The following HNF4G variants were observed in gnomAD, a reference collection of about 807,000 sequenced individuals.
HNF4G encodes the protein hepatocyte nuclear factor 4 gamma, also known as hepatocyte nuclear factor 4-gamma.
HNF4G carries 21 observed loss-of-function variants against 50.9 expected under a neutral mutation model. The ratio of observed to expected loss-of-function variants is 0.41; its 90% CI spans 0.29 to 0.59. HNF4G has a LOEUF of 0.59. Among genes scored for constraint, HNF4G ranks in the 20% least tolerant of loss-of-function variants. HNF4G has a pLI of 0.26. For synonymous variants in HNF4G, 198 were observed against 185.6 expected (o/e 1.07, Z -0.54); for missense variants, 527 against 559.4 (o/e 0.94, Z 0.58).
At chr8:75,452,100 G>A (rs1425397768) in intron 1 of HNF4G, among the ~76,000 whole-genome samples, 1 of 152,178 alleles carries the variant, frequency 6.6e-6, no homozygotes, top group East Asian at 1.9e-4. Context: ...ATCTTTTGCT[G>A]TGGAAGGAGG....
At chr8:75,459,496 G>T (rs1336316741) in intron 1 of HNF4G, among the ~76,000 whole-genome samples, 1 of 152,114 alleles carries the variant, frequency 6.6e-6, no homozygotes, top group African/African-American at 2.4e-5. Context: ...TGAGTGATAG[G>T]ATTCTGGATC....
chr8:75,439,108 A>G (rs1211050721), intron 1 of HNF4G, among the ~76,000 whole-genome samples: 2 of 152,108 alleles, frequency 1.3e-5, no homozygotes, highest in African/African-American at 4.8e-5. Context: ...AAAATAAATA[A>G]CATTGTGCAT....
chr8:75,442,228 C>G (rs1585846301), intron 1 of HNF4G, among the ~76,000 whole-genome samples: 1 of 151,958 alleles, frequency 6.6e-6, no homozygotes, highest in Non-Finnish European at 1.5e-5. Context: ...GTTAAGGTAC[C>G]CAGGGCACAT....
intron 1 of HNF4G, among the ~76,000 whole-genome samples, chr8:75,470,681 G>A (rs908963443): frequency 5.3e-5 from 8 of 152,178 alleles, no homozygotes. Flanking sequence ...TTTTACTAAA[G>A]TCTGGATATC....
chr8:75,468,873 C>A lies in HNF4G; in HGVS notation c.-143-21216C>A, dbSNP rs1415627351. ...AAGTAGATTATGATTTTATGGGAAA[C>A]CAAAGTCTTGAGAAACAAAACAAAA... On this transcript the variant is annotated intron_variant, in intron 1 of 10. Transcript: ENST00000354370. 2.0e-5 allele frequency among the ~76,000 whole-genome samples: 3 copies of A among 151,712 alleles called. No individual in the cohort carries two copies. The South Asian group carries it at 6.2e-4, about 32-fold the overall frequency.
At chr8:75,519,448 A>G (rs1359989143) in intron 2 of HNF4G, among the ~76,000 whole-genome samples, 2 of 152,218 alleles carry the variant, frequency 1.3e-5, no homozygotes, top group Non-Finnish European at 2.9e-5. Flanking sequence ...AATTTACTGT[A>G]TTAACCTGTT....
intron 1 of HNF4G, among the ~76,000 whole-genome samples, chr8:75,439,972 C>T (rs891134688): frequency 6.6e-6 from 1 of 151,690 alleles, no homozygotes; most frequent in Non-Finnish European, 1.5e-5. Flanking sequence ...TTTCCACATA[C>T]AGTATTGAAG....
chr8:75,537,569 T>A (rs1806500728), upstream of HNF4G, among the ~76,000 whole-genome samples: 1 of 151,426 alleles, frequency 6.6e-6, no homozygotes, highest in African/African-American at 2.4e-5. Context: ...TTTCCTCCAC[T>A]ATAAAAACCA....
At chr8:75,520,286 T>C (rs1806005079) in intron 2 of HNF4G, among the ~76,000 whole-genome samples, 1 of 152,076 alleles carries the variant, frequency 6.6e-6, no homozygotes, top group South Asian at 2.1e-4. Context: ...CAATAGTAGT[T>C]ATGATATAAG....
chr8:75,450,004 T>C (rs1282711242), intron 1 of HNF4G, among the ~76,000 whole-genome samples: 1 of 152,182 alleles, frequency 6.6e-6, no homozygotes, highest in African/African-American at 2.4e-5. Flanking sequence ...ATCTCCCCAA[T>C]CCTTTTATTC....
At chr8:75,448,484 C>G (rs560680501) in intron 1 of HNF4G, among the ~76,000 whole-genome samples, 72 of 80,354 alleles carry the variant, frequency 9.0e-4, no homozygotes, top group Non-Finnish European at 1.8e-3. Context: ...TAAAAGACCT[C>G]TTTAAAAAAA....
At chr8:75,464,020 T>G (rs915481044) in intron 1 of HNF4G, among the ~76,000 whole-genome samples, 3 of 152,072 alleles carry the variant, frequency 2.0e-5, no homozygotes, top group African/African-American at 4.8e-5. Flanking sequence ...GTGATCCACC[T>G]GCCTCAACCT....
chr8:75,452,576 G>A (rs1039434028), intron 1 of HNF4G, among the ~76,000 whole-genome samples: 8 of 151,958 alleles, frequency 5.3e-5, no homozygotes, highest in East Asian at 3.9e-4. Flanking sequence ...AAAATTAGCC[G>A]GGCATGGTGG....
intron 1 of HNF4G, among the ~76,000 whole-genome samples, chr8:75,424,704 G>A (rs1021463540): frequency 6.6e-6 from 1 of 152,112 alleles, no homozygotes; most frequent in Non-Finnish European, 1.5e-5. Flanking sequence ...CCATTCTGCT[G>A]CAAAGAACAT....
intron 9 of HNF4G, among the ~76,000 whole-genome samples, chr8:75,561,985 A>C (rs1401533377): frequency 6.6e-6 from 1 of 152,168 alleles, no homozygotes; most frequent in Non-Finnish European, 1.5e-5. Flanking sequence ...AATTTACTCT[A>C]ATTAATCCCA....
chr8:75,416,161 T>C (rs1358742727), intron 1 of HNF4G, among the ~76,000 whole-genome samples: 2 of 152,196 alleles, frequency 1.3e-5, no homozygotes, highest in Non-Finnish European at 2.9e-5. Flanking sequence ...AATTTTGTTG[T>C]TTTATTTTTA....
chr8:75,470,680 A>G (rs1275674982), intron 1 of HNF4G, among the ~76,000 whole-genome samples: 1 of 152,204 alleles, frequency 6.6e-6, no homozygotes, highest in East Asian at 1.9e-4. Context: ...ATTTTACTAA[A>G]GTCTGGATAT....
Position 75,551,370 on chromosome 8 carries a change from T to A in HNF4G, c.383-18T>A. 7.0e-7 allele frequency: 1 copy of A among 1,426,162 alleles called. No individual in the cohort carries two copies. Among genetic ancestry groups the A allele is most frequent in the Non-Finnish European group, 9.9e-7 (1 of 1,009,186 alleles). 88.3% of individuals were successfully genotyped at this position (1,426,162 alleles called of 1,614,324 possible). A position where few individuals can be genotyped will look rare whatever the true frequency, so the allele number is the denominator to read the frequency against. On this transcript the variant is annotated intron_variant, in intron 3 of 9. Coordinates refer to ENST00000396423, the MANE Select transcript of HNF4G (RefSeq NM_004133.5). ...CTAAAGAGAAGTGCTCAATAAATAC[T>A]GTGTTTTTTCCCCCTAGCTGTACAA...
chr8:75,437,427 T>C (rs1308638567), intron 1 of HNF4G, among the ~76,000 whole-genome samples: 3 of 152,208 alleles, frequency 2.0e-5, no homozygotes, highest in African/African-American at 7.2e-5. Flanking sequence ...AGAAATCTAT[T>C]TGGAATCAAT....
Sources: allele counts gnomAD v4.1 joint callset (sites outside exome capture counted in the v4.1 genomes callset), GRCh38; gene constraint gnomAD v4.1.1; transcripts MANE v1.5; gene names NCBI Gene and HGNC (gene_info 2026-07-23, HGNC 2026-07-21).